ANAPC7: variants seen among roughly 807,000 people sequenced by gnomAD.
ANAPC7 encodes anaphase-promoting complex subunit 7.
ANAPC7 carries 25 observed loss-of-function variants against 63.3 expected under a neutral mutation model. That is an observed-to-expected ratio of 0.39 (90% CI 0.29 to 0.55). The LOEUF is 0.55. Among genes scored for constraint, ANAPC7 ranks in the 20% least tolerant of loss-of-function variants. The pLI is 0.57. For missense variants in ANAPC7, 516 were observed against 691.7 expected (o/e 0.75, Z 2.85); for synonymous variants, 241 against 251.7 (o/e 0.96, Z 0.40).
intron 1 of ANAPC7, among the ~76,000 whole-genome samples, chr12:110,399,784 C>CT (rs1318612298): frequency 7.6e-6 from 1 of 131,196 alleles, no homozygotes; most frequent in Non-Finnish European, 1.6e-5. Context: ...GAGAGAGACT[C>CT]TGTCTCAGAC....
Position 110,388,622 on chromosome 12 carries a change from A to T in ANAPC7, c.410T>A (p.Ile137Lys), listed in dbSNP as rs1365548828. 6.2e-7 allele frequency: 1 copy of T among 1,611,508 alleles called. No homozygotes were observed. The highest frequency in any genetic ancestry group is 8.5e-7 in the Non-Finnish European group (1 of 1,177,724). Residue 137 changes from isoleucine to lysine, a missense_variant and splice_region_variant, in exon 4 of 11, where the codon ATA becomes AAA. Coordinates refer to ENST00000455511, the MANE Select transcript of ANAPC7 (RefSeq NM_016238.3). ...GIPSRQRTPK[I>K]NMMLANLYKK... is the part of the protein sequence containing the mutation. ...GTACAGGTTTGCCAGCATCATGTTTATCTGTACAAACACAAATAACAGATA... is the reference window on the plus strand; with the variant it reads ...GTACAGGTTTGCCAGCATCATGTTTTTCTGTACAAACACAAATAACAGATA...
chr12:110,373,478 T>C lies in ANAPC7; in HGVS notation c.*666A>G, dbSNP rs997893655. The C allele has an allele frequency of 1.3e-5, 2 of 152,194 alleles. No individual in the cohort carries two copies. Among genetic ancestry groups the C allele is most frequent in the African/African-American group, 4.8e-5 (2 of 41,436 alleles). 9.4% of individuals were successfully genotyped at this position (152,194 alleles called of 1,614,324 possible). A position where few individuals can be genotyped will look rare whatever the true frequency, so the allele number is the denominator to read the frequency against. On this transcript the variant is annotated 3_prime_UTR_variant, in exon 11 of 11. Transcript: ENST00000455511. ...TTCCATTCTGATCACCCCAACACCATGACTGTACAAACCAGTTTTATTAGG... is the reference window on the plus strand; with the variant it reads ...TTCCATTCTGATCACCCCAACACCACGACTGTACAAACCAGTTTTATTAGG...
intron 6 of ANAPC7, among the ~76,000 whole-genome samples, chr12:110,383,938 C>T (rs1199992695): frequency 6.8e-6 from 1 of 148,114 alleles, no homozygotes; most frequent in Non-Finnish European, 1.5e-5. Flanking sequence ...CGCGGTGGCT[C>T]ATGCCTGTAA....
chr12:110,394,903 T>C (rs543661103), intron 3 of ANAPC7, among the ~76,000 whole-genome samples, 198 bp downstream of exon 3: 9 of 152,178 alleles, frequency 5.9e-5, no homozygotes, highest in Admixed American at 5.2e-4. Flanking sequence ...AGAATAAGCA[T>C]GTGTAGTATT....
intron 7 of ANAPC7, among the ~76,000 whole-genome samples, chr12:110,382,451 A>AT (rs1470435018): frequency 4.3e-4 from 30 of 69,566 alleles, no homozygotes; most frequent in African/African-American, 6.2e-4. Context: ...TAAAAAAAAA[A>AT]AAAAAAAAAA....
rs1398774334 is a variant in ANAPC7 at position 110,373,265 on chromosome 12, C to G, written c.*879G>C. The G allele has an allele frequency of 6.6e-6, 1 of 152,190 alleles. No homozygotes were observed. The highest frequency in any genetic ancestry group is 1.5e-5 in the Non-Finnish European group (1 of 68,048). 9.4% of individuals were successfully genotyped at this position (152,190 alleles called of 1,614,324 possible). ...CGCAGCTGAAATCTGGCCAAAGACT[C>G]TCAGGCTCCAGGGAAATTAACCTAC... is the stretch of plus-strand genomic sequence containing the variant. On this transcript the variant is annotated 3_prime_UTR_variant, in exon 11 of 11. Coordinates refer to ENST00000455511, the MANE Select transcript of ANAPC7 (RefSeq NM_016238.3).
chr12:110,377,936 G>T, intron 8 of ANAPC7: 1 of 656,492 alleles, frequency 1.5e-6, no homozygotes, highest in Non-Finnish European at 2.2e-6. Context: ...CGACACTAAT[G>T]ATTAGTCTGT....
chr12:110,402,430 C>T (rs975600870), intron 1 of ANAPC7, among the ~76,000 whole-genome samples: 1 of 151,642 alleles, frequency 6.6e-6, no homozygotes, highest in Non-Finnish European at 1.5e-5. Flanking sequence ...CCCGGGTTCA[C>T]GTTATTCTTC....
At position 110,390,335 on chromosome 12, in the gene ANAPC7, A is replaced by G. The variant is rs560750774; in HGVS notation, c.409-1712T>C. 7.2e-5 allele frequency among the ~76,000 whole-genome samples: 11 copies of G among 152,250 alleles called. No homozygotes were observed. In the South Asian group the frequency reaches 2.1e-3, roughly 29 times the overall value. On this transcript the variant is annotated intron_variant, in intron 3 of 10. Coordinates refer to ENST00000455511, the MANE Select transcript of ANAPC7 (RefSeq NM_016238.3). ...GTGATCCAACCACCTCGGCCTCCCA[A>G]AGTGCTGGGATTACAGGCGTGAGCC...
rs1880991605 is a variant in ANAPC7, at chr12:110,373,429, C to A, written c.*715G>T. On this transcript the variant is annotated 3_prime_UTR_variant, in exon 11 of 11. Transcript: ENST00000455511. ...ATGCATTGCGAATAAGACAAAAATA[C>A]TAAGAGTCTATTTTGAAAAGGGCTT... The A allele has an allele frequency of 1.3e-5, 2 of 152,106 alleles. No individual in the cohort carries two copies. The highest frequency in any genetic ancestry group is 4.1e-4 in the South Asian group (2 of 4,824). The allele number at this position is 152,106 out of a possible 1,614,324, so 9.4% of individuals were successfully genotyped here.
At chr12:110,390,684 G>A (rs1883016327) in intron 3 of ANAPC7, among the ~76,000 whole-genome samples, 2 of 151,994 alleles carry the variant, frequency 1.3e-5, no homozygotes, top group African/African-American at 4.8e-5. Context: ...CTACTATTTT[G>A]AAAATGCAAA....
rs137996217 is a variant in ANAPC7, at chr12:110,382,441, T to TAA, written c.935+400_935+401dup. 7.7e-3 allele frequency among the ~76,000 whole-genome samples: 407 copies of TAA among 53,038 alleles called. 7 individuals carry two copies. The highest frequency in any genetic ancestry group is 0.011 in the Non-Finnish European group (328 of 30,696). The allele number at this position is 53,038 out of a possible 152,430, so 34.8% of individuals were successfully genotyped here. Reference sequence around the variant, plus strand: ...TTGAATCCAGGGCTGATTATCCTTTTAAAAAAAAAAAAAAAAAAAAATATA... The same window carrying TAA: ...TTGAATCCAGGGCTGATTATCCTTTTAAAAAAAAAAAAAAAAAAAAAAATATA... On this transcript the variant is annotated intron_variant, in intron 7 of 10. Coordinates refer to ENST00000455511, the MANE Select transcript of ANAPC7 (RefSeq NM_016238.3).
intron 1 of ANAPC7, among the ~76,000 whole-genome samples, chr12:110,401,950 C>CAAA (rs747810973): frequency 1.3e-3 from 61 of 46,080 alleles, no homozygotes; most frequent in Non-Finnish European, 1.6e-3. Context: ...GACTCCGTCT[C>CAAA]AAAAAAAAAA....
At chr12:110,388,156 C>A (rs912214999) in intron 4 of ANAPC7, among the ~76,000 whole-genome samples, 5 of 152,136 alleles carry the variant, frequency 3.3e-5, no homozygotes, top group Non-Finnish European at 5.9e-5. Context: ...CATGCCCCAG[C>A]CTTCCGAGAA....
At chr12:110,387,541 T>C (rs1018419381) in intron 5 of ANAPC7, 198 bp downstream of exon 5, 1 of 539,764 alleles carries the variant, frequency 1.9e-6, no homozygotes, top group African/African-American at 1.9e-5. Context: ...GTCAGATTTC[T>C]ATTTTTACAG....
intron 1 of ANAPC7, among the ~76,000 whole-genome samples, chr12:110,399,031 T>TC (rs2062184263): frequency 6.6e-6 from 1 of 151,550 alleles, no homozygotes; most frequent in Non-Finnish European, 1.5e-5. Flanking sequence ...TCTTTTTTTT[T>TC]TTTTTTTGAG....
chr12:110,399,242 A>C (rs1453082169), intron 1 of ANAPC7, among the ~76,000 whole-genome samples: 1 of 151,854 alleles, frequency 6.6e-6, no homozygotes, highest in African/African-American at 2.4e-5. Flanking sequence ...CGCTGGTCTC[A>C]AACTCCTGAC....
chr12:110,382,817 G>A (rs1882066163), intron 7 of ANAPC7, 26 bp downstream of exon 7: 1 of 1,545,476 alleles, frequency 6.5e-7, no homozygotes, highest in African/African-American at 1.4e-5. Context: ...TGACAACTGG[G>A]GAGAAAAGAG....
Position 110,382,969 on chromosome 12 carries a change from G to A in ANAPC7, c.818-9C>T. On this transcript the variant is annotated splice_polypyrimidine_tract_variant and intron_variant, in intron 6 of 10. Coordinates refer to ENST00000455511, the MANE Select transcript of ANAPC7 (RefSeq NM_016238.3). ...GCCATATACATCCATTCCTAGAAGAGAAGGACATAGTGAGAAGAGGTGTTT... is the reference window on the plus strand; with the variant it reads ...GCCATATACATCCATTCCTAGAAGAAAAGGACATAGTGAGAAGAGGTGTTT... The A allele has an allele frequency of 1.2e-6, 2 of 1,605,048 alleles. No individual in the cohort carries two copies. Among genetic ancestry groups the A allele is most frequent in the Non-Finnish European group, 1.7e-6 (2 of 1,172,964 alleles).
Sources: gnomAD v4.1 joint callset for allele counts (sites outside exome capture counted in the v4.1 genomes callset) on GRCh38, gnomAD v4.1.1 for gene constraint, MANE v1.5 for transcripts, NCBI Gene and HGNC (gene_info 2026-07-23, HGNC 2026-07-21) for gene names.